COL25A1: variants seen among roughly 807,000 people sequenced by gnomAD.
The protein encoded by COL25A1 is collagen alpha-1(XXV) chain.
COL25A1 carries 103 observed loss-of-function variants against 128.4 expected under a neutral mutation model. The ratio of observed to expected loss-of-function variants is 0.80; its 90% confidence interval spans 0.68 to 0.94. COL25A1 has a LOEUF of 0.94. COL25A1 is among the 40% of genes least tolerant of loss of function. The probability of loss-of-function intolerance (pLI) is 0.00; values close to 1 mark genes in which losing one functional copy is unlikely to be tolerated. For synonymous variants in COL25A1, 279 were observed against 277.2 expected (o/e 1.01, Z -0.06); for missense variants, 745 against 840.0 (o/e 0.89, Z 1.40).
At chr4:109,297,520 A>AT (rs1352162525) in intron 3 of COL25A1, among the ~76,000 whole-genome samples, 1 of 152,162 alleles carries the variant, frequency 6.6e-6, no homozygotes, top group Admixed American at 6.5e-5. Flanking sequence ...TTATATAAAT[A>AT]TCAAAAAAGA....
chr4:109,040,907 C>A (rs1468909093), intron 5 of COL25A1, among the ~76,000 whole-genome samples: 1 of 151,932 alleles, frequency 6.6e-6, no homozygotes, highest in Non-Finnish European at 1.5e-5. Flanking sequence ...ATCAAGTATC[C>A]TGGGGAGAGA....
At chr4:109,026,122 A>C (rs1326609865) in intron 5 of COL25A1, among the ~76,000 whole-genome samples, 3 of 151,804 alleles carry the variant, frequency 2.0e-5, no homozygotes, top group Non-Finnish European at 4.4e-5. Flanking sequence ...ACACACACAC[A>C]CACACACACA....
At chr4:109,101,255 A>T (rs1158183028) in intron 3 of COL25A1, among the ~76,000 whole-genome samples, 1 of 152,220 alleles carries the variant, frequency 6.6e-6, no homozygotes, top group Non-Finnish European at 1.5e-5. Context: ...TTTCTCCATG[A>T]CAGTAATGAG....
At chr4:109,048,054 G>A (rs1409432532) in intron 5 of COL25A1, 114 bp downstream of exon 5, 3 of 1,210,556 alleles carry the variant, frequency 2.5e-6, no homozygotes, top group Non-Finnish European at 1.2e-6. Context: ...CTCTTAAAAG[G>A]TCAGTAACAT....
chr4:108,847,795 T>C (rs941670716), intron 27 of COL25A1, among the ~76,000 whole-genome samples: 1 of 152,212 alleles, frequency 6.6e-6, no homozygotes, highest in African/African-American at 2.4e-5. Context: ...ATTATTATTA[T>C]TTCAGCATAT....
chr4:109,140,216 T>C (rs1770264751), intron 3 of COL25A1, among the ~76,000 whole-genome samples: 1 of 152,162 alleles, frequency 6.6e-6, no homozygotes, highest in Non-Finnish European at 1.5e-5. Flanking sequence ...TCAAATGGTA[T>C]TTCTAGTTCT....
At chr4:109,270,796 A>C (rs976475114) in intron 3 of COL25A1, among the ~76,000 whole-genome samples, 5 of 152,164 alleles carry the variant, frequency 3.3e-5, no homozygotes, top group Admixed American at 3.3e-4. Flanking sequence ...GCACCTGGAA[A>C]ACCTATGGCA....
chr4:108,847,318 A>G (rs1312431748), intron 27 of COL25A1, among the ~76,000 whole-genome samples: 1 of 152,176 alleles, frequency 6.6e-6, no homozygotes, highest in African/African-American at 2.4e-5. Context: ...GATCATAGTT[A>G]TTATGGTAAG....
At chr4:109,133,602 T>C (rs149957395) in intron 3 of COL25A1, among the ~76,000 whole-genome samples, 2 of 152,290 alleles carry the variant, frequency 1.3e-5, no homozygotes, top group East Asian at 1.9e-4. Flanking sequence ...AGTTATTATG[T>C]TAATATGTAT....
chr4:108,956,355 C>A (rs1750071978), intron 8 of COL25A1, among the ~76,000 whole-genome samples: 1 of 152,124 alleles, frequency 6.6e-6, no homozygotes, highest in South Asian at 2.1e-4. Flanking sequence ...TAATACTTAA[C>A]CAGTCACACA....
chr4:109,218,356 GGTTTTTTTTTTT>G (rs1778163098), intron 3 of COL25A1, among the ~76,000 whole-genome samples: 1 of 100,470 alleles, frequency 1.0e-5, no homozygotes, highest in South Asian at 3.6e-4. Context: ...GGTTTTTTGG[GGTTTTTTTTTTT>G]TTTTTTTTTT....
rs758576558 is a variant in COL25A1, at chr4:108,889,207, G to T, written c.975+14C>A. 6.2e-7 allele frequency: 1 copy of T among 1,610,036 alleles called. No homozygotes were observed. The highest frequency in any genetic ancestry group is 1.7e-5 in the Admixed American group (1 of 59,978). On this transcript the variant is annotated intron_variant, in intron 18 of 37. Transcript: ENST00000399132. ...TATGAGACAGTAGGAACACACTAGA[G>T]ATAGAGATATTACCTTTTGCCCTGG...
At position 108,911,664 on chromosome 4, in the gene COL25A1, A is replaced by T. The variant is rs62314624; in HGVS notation, c.780+6508T>A. On this transcript the variant is annotated intron_variant, in intron 13 of 37. Transcript: ENST00000399132. ...AAATTTCTTTAAAAAGCTTTTCCCA[A>T]TTATGGATACAATTTAATCAGATGT... Among the ~76,000 whole-genome samples the T allele has an allele frequency of 7.9e-3, 1,196 of 152,316 alleles. 7 individuals carry two copies. The highest frequency in any genetic ancestry group is 0.031 in the Middle Eastern group (9 of 294).
chr4:109,005,876 A>G (rs1251198022), intron 6 of COL25A1, among the ~76,000 whole-genome samples: 1 of 152,204 alleles, frequency 6.6e-6, no homozygotes, highest in Non-Finnish European at 1.5e-5. Flanking sequence ...GGAGACCCAG[A>G]GCTGGAGAGG....
chr4:108,862,406 A>C, intron 22 of COL25A1, 95 bp downstream of exon 22: 1 of 920,170 alleles, frequency 1.1e-6, no homozygotes, highest in South Asian at 1.3e-5. Flanking sequence ...AAAGAGTTTA[A>C]TCTAAAACAT....
chr4:108,868,963 GGAAA>G, intron 20 of COL25A1, 121 bp downstream of exon 20: 1 of 549,400 alleles, frequency 1.8e-6, no homozygotes, highest in South Asian at 2.7e-5. Context: ...GAAAGAAAAA[GGAAA>G]GAAAGGAAAG....
chr4:109,214,619 T>TGA (rs1777844996), intron 3 of COL25A1, among the ~76,000 whole-genome samples: 1 of 150,254 alleles, frequency 6.7e-6, no homozygotes, highest in Non-Finnish European at 1.5e-5. Context: ...TATATACATA[T>TGA]ATATAATCTA....
intron 3 of COL25A1, among the ~76,000 whole-genome samples, chr4:109,142,120 C>T (rs1333710735): frequency 6.6e-6 from 1 of 152,128 alleles, no homozygotes. Flanking sequence ...GATTCTGGTA[C>T]ATTGTTTCTT....
At chr4:109,084,411 T>C (rs1208249812) in intron 3 of COL25A1, among the ~76,000 whole-genome samples, 2 of 152,334 alleles carry the variant, frequency 1.3e-5, no homozygotes, top group Admixed American at 6.5e-5. Context: ...AAGCTGCTTA[T>C]AAGTTAGCTC....
Sources: gnomAD v4.1 joint callset for allele counts (sites outside exome capture counted in the v4.1 genomes callset) on GRCh38, gnomAD v4.1.1 for gene constraint, MANE v1.5 for transcripts, NCBI Gene and HGNC (gene_info 2026-07-23, HGNC 2026-07-21) for gene names.